STXBP6: variants seen among roughly 807,000 people sequenced by gnomAD.
The protein encoded by STXBP6 is syntaxin-binding protein 6.
Under a neutral mutation model 26.9 loss-of-function variants are expected in STXBP6, and 21 were observed. The ratio of observed to expected loss-of-function variants is 0.78; its 90% confidence interval spans 0.55 to 1.12. The LOEUF (loss-of-function observed/expected upper bound fraction) is 1.12. Among genes scored for constraint, STXBP6 ranks in the 50% most tolerant of loss-of-function variants. The probability of loss-of-function intolerance (pLI) is 0.00; values close to 1 mark genes in which losing one functional copy is unlikely to be tolerated. For synonymous variants in STXBP6, 97 were observed against 92.6 expected (o/e 1.05, Z -0.27); for missense variants, 232 against 257.9 (o/e 0.90, Z 0.69).
chr14:24,911,593 T>C (rs765092600), intron 2 of STXBP6, among the ~76,000 whole-genome samples: 39 of 152,160 alleles, frequency 2.6e-4, no homozygotes, highest in Non-Finnish European at 5.1e-4. Flanking sequence ...TCCAGACCAA[T>C]TTATATCTAA....
intron 2 of STXBP6, among the ~76,000 whole-genome samples, chr14:24,941,963 TC>T (rs1184554766): frequency 9.9e-5 from 15 of 152,198 alleles, no homozygotes; most frequent in African/African-American, 3.6e-4. Flanking sequence ...CTGCACCAGT[TC>T]CCCCTCAGCA....
At position 24,976,852 on chromosome 14, in the gene STXBP6, CTT is replaced by C. The variant is rs71121808; in HGVS notation, c.-32-2004_-32-2003del. On this transcript the variant is annotated intron_variant, in intron 1 of 5. Coordinates refer to ENST00000323944, the MANE Select transcript of STXBP6 (RefSeq NM_001394410.1). ...CAAAGTCCTGAGCTGACTGGGCGCTCTTTTTTTTTTTTTTTTTTTTTTTTTTT... is the reference window on the plus strand; with the variant it reads ...CAAAGTCCTGAGCTGACTGGGCGCTCTTTTTTTTTTTTTTTTTTTTTTTTT... Among the ~76,000 whole-genome samples, 225 of 45,242 alleles carry C rather than the reference CTT, an allele frequency of 5.0e-3. 2 individuals are homozygous for C. The highest frequency in any genetic ancestry group is 0.023 in the African/African-American group (205 of 8,872). The allele number at this position is 45,242 out of a possible 152,430, so 29.7% of individuals were successfully genotyped here.
intron 2 of STXBP6, among the ~76,000 whole-genome samples, chr14:24,859,521 A>G (rs967388670): frequency 1.3e-5 from 2 of 152,156 alleles, no homozygotes; most frequent in Admixed American, 6.6e-5. Context: ...TGAGGAAAGC[A>G]TGCTTTAACT....
intron 2 of STXBP6, among the ~76,000 whole-genome samples, chr14:24,894,908 G>A (rs1241593): frequency 0.67 from 100,354 of 150,248 alleles, 33,376 homozygotes; most frequent in East Asian, 0.77. Context: ...TTTTTTTAAT[G>A]CTCAGGAAAA....
At chr14:24,867,584 C>T (rs906780730) in intron 2 of STXBP6, among the ~76,000 whole-genome samples, 3 of 152,078 alleles carry the variant, frequency 2.0e-5, no homozygotes. Flanking sequence ...GGTACTGGAA[C>T]AACTGGATAT....
intron 1 of STXBP6, among the ~76,000 whole-genome samples, chr14:24,985,560 A>G (rs577785434): frequency 2.0e-5 from 3 of 152,218 alleles, no homozygotes; most frequent in East Asian, 3.9e-4. Flanking sequence ...TCCTGTTCCC[A>G]CTTTTTCTGG....
chr14:25,009,914 C>T (rs925411603), intron 1 of STXBP6, among the ~76,000 whole-genome samples: 1 of 152,194 alleles, frequency 6.6e-6, no homozygotes, highest in African/African-American at 2.4e-5. Flanking sequence ...ACCCCCAACT[C>T]TCCTCATCAG....
At chr14:24,864,176 A>G (rs2069637901) in intron 2 of STXBP6, among the ~76,000 whole-genome samples, 1 of 152,216 alleles carries the variant, frequency 6.6e-6, no homozygotes, top group African/African-American at 2.4e-5. Flanking sequence ...ATCAAAAAAC[A>G]AAGGCTTCAA....
chr14:24,859,422 T>G (rs1162993989), intron 2 of STXBP6, among the ~76,000 whole-genome samples: 1 of 152,078 alleles, frequency 6.6e-6, no homozygotes, highest in African/African-American at 2.4e-5. Context: ...TATATACACA[T>G]CGTATAGAGT....
chr14:24,855,967 C>T lies in STXBP6; in HGVS notation c.420G>A (p.Glu140=). 1 of 1,605,984 alleles carries T rather than the reference C, an allele frequency of 6.2e-7. No homozygotes were observed. The highest frequency in any genetic ancestry group is 1.1e-5 in the South Asian group (1 of 89,444). ...CQRYLTDRKP[E]FINCQSKIMG... is the part of the protein sequence containing the mutation. ...TAATTTTGGATTGGCAGTTAATAAA[C>T]TCTGGCTTCCTGTCCGTGAGGTACC... Residue 140 remains glutamate (E), a synonymous_variant, in exon 4 of 6, where the codon GAG becomes GAA. Transcript: ENST00000323944.
chr14:25,001,135 C>G (rs1047439748), intron 1 of STXBP6, among the ~76,000 whole-genome samples: 2 of 152,110 alleles, frequency 1.3e-5, no homozygotes, highest in Admixed American at 1.3e-4. Flanking sequence ...CTTGGAACAA[C>G]AAATATTTGA....
Position 24,812,714 on chromosome 14 carries a change from A to G in STXBP6, c.628T>C (p.Cys210Arg). Residue 210 changes from cysteine (C) to arginine (R), a missense_variant, in exon 6 of 6, where the codon TGT becomes CGT. Transcript: ENST00000323944. Reference protein sequence around the residue: ...TAHKLAMKHKC With the variant: ...TAHKLAMKHKR ...TCACCAGGATAGGCAGTTTCTCAACATTTGTGCTTCATGGCAAGCTAAGGA... is the reference window on the plus strand; with the variant it reads ...TCACCAGGATAGGCAGTTTCTCAACGTTTGTGCTTCATGGCAAGCTAAGGA... The G allele has an allele frequency of 1.9e-6, 3 of 1,613,820 alleles. No individual in the cohort carries two copies. Among genetic ancestry groups the G allele is most frequent in the Non-Finnish European group, 2.5e-6 (3 of 1,179,778 alleles).
intron 4 of STXBP6, among the ~76,000 whole-genome samples, chr14:24,830,582 A>G (rs1366418334): frequency 2.6e-5 from 4 of 152,218 alleles, no homozygotes; most frequent in Non-Finnish European, 5.9e-5. Flanking sequence ...GTGAACAGAT[A>G]TGAGAATCAA....
At chr14:24,858,416 T>G (rs923367625) in intron 2 of STXBP6, among the ~76,000 whole-genome samples, 1 of 152,162 alleles carries the variant, frequency 6.6e-6, no homozygotes, top group African/African-American at 2.4e-5. Context: ...CTACTCTCTC[T>G]GCTTCCAACC....
intron 1 of STXBP6, among the ~76,000 whole-genome samples, chr14:24,998,420 C>G (rs889961392): frequency 6.6e-6 from 1 of 152,194 alleles, no homozygotes; most frequent in Admixed American, 6.5e-5. Context: ...ACTGGCTGAG[C>G]TAAAGATTAC....
chr14:24,987,079 A>G (rs1340366166), intron 1 of STXBP6, among the ~76,000 whole-genome samples: 1 of 152,204 alleles, frequency 6.6e-6, no homozygotes, highest in African/African-American at 2.4e-5. Context: ...GGAAAAAAAA[A>G]TCTATCAATT....
chr14:24,865,039 T>G (rs1040042399), intron 2 of STXBP6, among the ~76,000 whole-genome samples: 4 of 149,604 alleles, frequency 2.7e-5, no homozygotes, highest in African/African-American at 9.8e-5. Flanking sequence ...TAAAATTAGC[T>G]GAATTTATTG....
intron 1 of STXBP6, among the ~76,000 whole-genome samples, chr14:25,011,297 C>T (rs2075023374): frequency 6.6e-6 from 1 of 152,168 alleles, no homozygotes; most frequent in South Asian, 2.1e-4. Context: ...CAAGATGACA[C>T]TTTTCCAGAT....
At chr14:24,853,067 C>T (rs1387042504) in intron 4 of STXBP6, among the ~76,000 whole-genome samples, 1 of 152,072 alleles carries the variant, frequency 6.6e-6, no homozygotes, top group Non-Finnish European at 1.5e-5. Flanking sequence ...GGGCAGCATA[C>T]TAACACCAGT....
Sources: gnomAD v4.1 joint callset for allele counts (sites outside exome capture counted in the v4.1 genomes callset) on GRCh38, gnomAD v4.1.1 for gene constraint, MANE v1.5 for transcripts, NCBI Gene and HGNC (gene_info 2026-07-23, HGNC 2026-07-21) for gene names.